RP1: variants seen among roughly 807,000 people sequenced by gnomAD.
RP1 encodes oxygen-regulated protein 1.
In RP1, 16 loss-of-function variants were observed where a neutral mutation model predicts 14.8. The ratio of observed to expected loss-of-function variants is 1.08; its 90% CI spans 0.73 to 1.65. RP1 has a LOEUF of 1.65. Ranked by LOEUF, RP1 falls within the 40% of genes most tolerant of loss-of-function variation. RP1 has a pLI of 0.00. For missense variants in RP1, 2,631 were observed against 2,535.0 expected, an observed-to-expected ratio of 1.04 and a Z score of -0.81; for synonymous variants, 876 against 883.6, an observed-to-expected ratio of 0.99 and a Z score of 0.15.
At chr8:54,773,947 C>G (rs56396456), downstream of RP1, among the ~76,000 whole-genome samples, 977 of 152,204 alleles carry the variant, frequency 6.4e-3, 6 homozygotes, top group Non-Finnish European at 0.011. Flanking sequence ...TATTTTTTCT[C>G]TCCTCTCAGT....
chr8:54,704,486 T>A (rs533203650), intron 14 of RP1, among the ~76,000 whole-genome samples: 9 of 152,296 alleles, frequency 5.9e-5, no homozygotes, highest in African/African-American at 2.2e-4. Context: ...CAGATCACCA[T>A]AACAGTTATC....
At position 54,580,257 on chromosome 8, in the gene RP1, A is replaced by G. The variant is rs116383040; in HGVS notation, c.-13+20937A>G. ...CTGGTAGCATTTATTATGTCTTTCAATGAACTTTCCAGACAGTGGGAAGCT... is the reference window on the plus strand; with the variant it reads ...CTGGTAGCATTTATTATGTCTTTCAGTGAACTTTCCAGACAGTGGGAAGCT... On this transcript the variant is annotated intron_variant, in intron 1 of 22. Coordinates refer to the RP1 transcript ENST00000636932. Among the ~76,000 whole-genome samples, 1,250 of 149,130 alleles carry G rather than the reference A, an allele frequency of 8.4e-3. 16 individuals carry two copies. Among genetic ancestry groups the G allele is most frequent in the African/African-American group, 0.03 (1,183 of 39,478 alleles).
At chr8:54,670,673 A>T (rs1216354397) in intron 7 of RP1, among the ~76,000 whole-genome samples, 18 of 13,560 alleles carry the variant, frequency 1.3e-3, no homozygotes, top group South Asian at 6.8e-3. Flanking sequence ...ATATGTTTTT[A>T]TATATATATA....
intron 24 of RP1, among the ~76,000 whole-genome samples, chr8:54,794,542 A>T (rs1277203959): frequency 6.6e-6 from 1 of 151,722 alleles, no homozygotes; most frequent in Non-Finnish European, 1.5e-5. Context: ...ATCCATGAGC[A>T]AAAGAATGAA....
intron 24 of RP1, among the ~76,000 whole-genome samples, chr8:54,784,522 C>T (rs2129381253): frequency 6.6e-6 from 1 of 152,164 alleles, no homozygotes; most frequent in Middle Eastern, 3.4e-3. Flanking sequence ...CTGCAATGAA[C>T]ATAGTTTTAA....
intron 24 of RP1, among the ~76,000 whole-genome samples, chr8:54,792,883 A>G: frequency 6.6e-6 from 1 of 152,016 alleles, no homozygotes; most frequent in Admixed American, 6.5e-5. Flanking sequence ...AGAACAATAG[A>G]AAAGATCAAT....
intron 25 of RP1, among the ~76,000 whole-genome samples, chr8:54,842,269 G>T (rs149678626): frequency 6.6e-6 from 1 of 152,142 alleles, no homozygotes; most frequent in Non-Finnish European, 1.5e-5. Flanking sequence ...TATGTGAATC[G>T]GGGCAAGTGG....
Position 54,629,994 on chromosome 8 carries a change from C to A in RP1, c.6112C>A (p.His2038Asn), listed in dbSNP as rs199817307. 6 of 1,614,012 alleles carry A rather than the reference C, an allele frequency of 3.7e-6. No individual in the cohort carries two copies. The highest frequency in any genetic ancestry group is 1.7e-4 in the Middle Eastern group (1 of 6,056). The change falls in exon 4 of 4, where the codon CAC (histidine) becomes AAC (asparagine). Residue 2038 changes from histidine to asparagine, a missense_variant. By Grantham distance (68) the His-to-Asn change is moderately conservative (BLOSUM62 1). Coordinates refer to ENST00000220676, the MANE Select transcript of RP1 (RefSeq NM_006269.2). Reference protein sequence around the residue: ...LKERFCMNFLHTSLLVVGNVD... With the variant: ...LKERFCMNFLNTSLLVVGNVD... ...GGAAAGGTTTTGTATGAATTTCTTGCACACATCATTGTTAGTTGTGGGTAA... is the reference window on the plus strand; with the variant it reads ...GGAAAGGTTTTGTATGAATTTCTTGAACACATCATTGTTAGTTGTGGGTAA...
At chr8:54,778,497 G>T (rs1204568985) in intron 23 of RP1, among the ~76,000 whole-genome samples, 1 of 151,712 alleles carries the variant, frequency 6.6e-6, no homozygotes, top group Non-Finnish European at 1.5e-5. Context: ...GCTAATTTTT[G>T]TATTTTTAGT....
chr8:54,779,492 C>T (rs1449985956), intron 23 of RP1, among the ~76,000 whole-genome samples: 2 of 152,112 alleles, frequency 1.3e-5, no homozygotes, highest in Non-Finnish European at 2.9e-5. Flanking sequence ...CATGTCTAGA[C>T]ACAGGTGTTT....
intron 1 of RP1, among the ~76,000 whole-genome samples, chr8:54,569,070 TTAA>T (rs1804468175): frequency 6.6e-6 from 1 of 152,228 alleles, no homozygotes; most frequent in African/African-American, 2.4e-5. Flanking sequence ...GCTGTTCTTA[TTAA>T]TAATGCAAAA....
chr8:54,806,129 C>A (rs958040742), intron 24 of RP1, among the ~76,000 whole-genome samples: 1 of 152,156 alleles, frequency 6.6e-6, no homozygotes, highest in Non-Finnish European at 1.5e-5. Flanking sequence ...AGGGATGCTC[C>A]TGCCTCAGCC....
intron 28 of RP1, among the ~76,000 whole-genome samples, chr8:54,868,776 C>A (rs900970507): frequency 6.6e-6 from 1 of 151,976 alleles, no homozygotes; most frequent in African/African-American, 2.4e-5. Flanking sequence ...TACTGTCTTC[C>A]GCAGTATAGA....
intron 1 of RP1, among the ~76,000 whole-genome samples, chr8:54,575,048 G>A (rs1471609754): frequency 6.6e-6 from 1 of 152,210 alleles, no homozygotes; most frequent in African/African-American, 2.4e-5. Flanking sequence ...CTGAAGGCCA[G>A]TTTTGACTCA....
At chr8:54,789,105 T>C (rs1038082083) in intron 24 of RP1, among the ~76,000 whole-genome samples, 2 of 152,132 alleles carry the variant, frequency 1.3e-5, no homozygotes, top group African/African-American at 4.8e-5. Context: ...AGGGCTAGAT[T>C]CTATGGGGTC....
intron 3 of RP1, 135 bp from the exon 4 acceptor site, chr8:54,624,535 A>G: frequency 2.5e-6 from 2 of 791,290 alleles, no homozygotes; most frequent in Non-Finnish European, 4.2e-6. Context: ...TACAGAAAAT[A>G]TGCTACTTTT....
At chr8:54,649,260 A>C in intron 4 of RP1, 1 of 808,318 alleles carries the variant, frequency 1.2e-6, no homozygotes, top group Non-Finnish European at 1.7e-6. Context: ...GTAGAAGATC[A>C]TTCAAAAATA....
At chr8:54,567,831 A>G (rs149515841) in intron 1 of RP1, among the ~76,000 whole-genome samples, 549 of 152,240 alleles carry the variant, frequency 3.6e-3, no homozygotes, top group Non-Finnish European at 6.1e-3. Context: ...TTTCTTGTTT[A>G]TGTGTGTGTT....
At chr8:54,817,573 G>C (rs1811163510) in intron 24 of RP1, among the ~76,000 whole-genome samples, 1 of 152,172 alleles carries the variant, frequency 6.6e-6, no homozygotes, top group East Asian at 1.9e-4. Flanking sequence ...TTGAAAACTA[G>C]ACAGAAAATG....
Sources: gnomAD v4.1 joint callset for allele counts (sites outside exome capture counted in the v4.1 genomes callset) on GRCh38, gnomAD v4.1.1 for gene constraint, MANE v1.5 for transcripts, NCBI Gene and HGNC (gene_info 2026-07-23, HGNC 2026-07-21) for gene names.